Variants in CPE observed in about 807,000 individuals in gnomAD.
The protein encoded by CPE is carbocypeptidase E.
A neutral mutation model predicts 53.5 loss-of-function variants in CPE; 17 were observed. That is an observed-to-expected ratio of 0.32 (90% CI 0.22 to 0.48). CPE has a LOEUF of 0.48. CPE is among the 20% of genes least tolerant of loss of function. The pLI is 0.99. For synonymous variants in CPE, 226 were observed against 228.8 expected, an observed-to-expected ratio of 0.99 and a Z score of 0.11; for missense variants, 524 against 614.7, an observed-to-expected ratio of 0.85 and a Z score of 1.56.
intron 3 of CPE, among the ~76,000 whole-genome samples, chr4:165,473,181 C>T (rs1459840947): frequency 3.3e-5 from 5 of 152,194 alleles, no homozygotes. Flanking sequence ...ACAACTTACA[C>T]AGACCATCTA....
chr4:165,381,387 A>G (rs564815084), intron 1 of CPE: 21 of 453,630 alleles, frequency 4.6e-5, no homozygotes, highest in African/African-American at 4.0e-4. Flanking sequence ...ATGGAAAAAT[A>G]CTGAATATGC....
rs543914222 is a variant in CPE, at chr4:165,409,701, G to T, written c.307+30173G>T. ...TCCTAAGAAACTGTGAAATACTGTG[G>T]TGATCTTATCCTGGAACAAACTAGG... is the stretch of plus-strand genomic sequence containing the variant. On this transcript the variant is annotated intron_variant, in intron 1 of 8. Coordinates refer to ENST00000402744, the MANE Select transcript of CPE (RefSeq NM_001873.4). 5.6e-4 allele frequency among the ~76,000 whole-genome samples: 85 copies of T among 152,226 alleles called. 1 individual carries two copies. The highest frequency in any genetic ancestry group is 2.0e-3 in the African/African-American group (82 of 41,546).
intron 1 of CPE, among the ~76,000 whole-genome samples, chr4:165,459,680 G>GC (rs1553976487): frequency 1.5e-5 from 2 of 130,390 alleles, no homozygotes; most frequent in Non-Finnish European, 3.2e-5. Context: ...TGGGTGGGGG[G>GC]GGGCGGGGCA....
intron 1 of CPE, among the ~76,000 whole-genome samples, chr4:165,396,196 A>T (rs989518794): frequency 6.6e-6 from 1 of 152,168 alleles, no homozygotes; most frequent in African/African-American, 2.4e-5. Flanking sequence ...CATATTCCTG[A>T]ATTTGTTCCT....
At chr4:165,490,383 C>T (rs1732578805) in intron 6 of CPE, among the ~76,000 whole-genome samples, 1 of 151,796 alleles carries the variant, frequency 6.6e-6, no homozygotes, top group Non-Finnish European at 1.5e-5. Context: ...CCTGTAATCC[C>T]AGCACTTTGG....
Position 165,447,447 on chromosome 4 carries a change from T to C in CPE, c.308-16943T>C, listed in dbSNP as rs547403759. ...TTAGCCAGGCGTGGTGGCGCATGCC[T>C]GTAATCCCAGCTACTTGGGAGGCTG... On this transcript the variant is annotated intron_variant, in intron 1 of 8. Transcript: ENST00000402744. 5.3e-5 allele frequency among the ~76,000 whole-genome samples: 8 copies of C among 152,196 alleles called. No homozygotes were observed. In the South Asian group the frequency reaches 1.7e-3, roughly 32 times the overall value.
At chr4:165,427,713 G>C (rs911335691) in intron 1 of CPE, among the ~76,000 whole-genome samples, 16 of 152,104 alleles carry the variant, frequency 1.1e-4, no homozygotes, top group Admixed American at 6.5e-4. Flanking sequence ...GTATTCCATT[G>C]TATCACTCAC....
At chr4:165,413,325 T>C (rs781708304) in intron 1 of CPE, among the ~76,000 whole-genome samples, 3 of 152,174 alleles carry the variant, frequency 2.0e-5, no homozygotes, top group Non-Finnish European at 2.9e-5. Context: ...AAGTGAAGAA[T>C]TGGGGGATAG....
At chr4:165,386,693 G>A (rs981350575) in intron 1 of CPE, among the ~76,000 whole-genome samples, 32 of 152,188 alleles carry the variant, frequency 2.1e-4, no homozygotes, top group African/African-American at 6.8e-4. Context: ...TTTTGGAAGA[G>A]AAGAGTCTTC....
chr4:165,379,092 A>G lies in CPE; in HGVS notation c.-130A>G. 1 of 772,618 alleles carries G rather than the reference A, an allele frequency of 1.3e-6. No homozygotes were observed. The highest frequency in any genetic ancestry group is 1.7e-6 in the Non-Finnish European group (1 of 583,872). 47.9% of individuals were successfully genotyped at this position (772,618 alleles called of 1,614,324 possible). A position where few individuals can be genotyped will look rare whatever the true frequency, so the allele number is the denominator to read the frequency against. ...GGGCTGACACTCATTCAGCCGGGGAAGGTGAGGCGAGTAGAGGCTGGTGCG... is the reference window on the plus strand; with the variant it reads ...GGGCTGACACTCATTCAGCCGGGGAGGGTGAGGCGAGTAGAGGCTGGTGCG... On this transcript the variant is annotated 5_prime_UTR_variant, in exon 1 of 9. Transcript: ENST00000402744. This position sits in a 1 kb window ranked among gnomAD's most constrained non-coding sequence, Gnocchi z 6.0.
In CPE at chr4:165,438,913, C is replaced by A. The variant is rs1246772722; in HGVS notation, c.308-25477C>A. 6.6e-5 allele frequency among the ~76,000 whole-genome samples: 10 copies of A among 152,284 alleles called. No homozygotes were observed. The South Asian group carries it at 1.9e-3, about 28-fold the overall frequency. ...AGAGGTAGAGATGCATAGTTCACCT[C>A]TAGTTCTAAGGCTGGCCCCTTTAAT... On this transcript the variant is annotated intron_variant, in intron 1 of 8. Coordinates refer to ENST00000402744, the MANE Select transcript of CPE (RefSeq NM_001873.4).
Position 165,432,802 on chromosome 4 carries a change from G to C in CPE, c.308-31588G>C, listed in dbSNP as rs562199093. Reference sequence around the variant, plus strand: ...CCATGTGGCCTAAACAGCGCAACCCGCCCCCAGCTGCTCCTACCAGAGACC... The same window carrying C: ...CCATGTGGCCTAAACAGCGCAACCCCCCCCCAGCTGCTCCTACCAGAGACC... On this transcript the variant is annotated intron_variant, in intron 1 of 8. Transcript: ENST00000402744. 1.9e-3 allele frequency among the ~76,000 whole-genome samples: 291 copies of C among 152,048 alleles called. 1 individual carries two copies. Among genetic ancestry groups the C allele is most frequent in the African/African-American group, 6.9e-3 (285 of 41,464 alleles).
At chr4:165,487,025 T>C (rs952737557) in intron 5 of CPE, among the ~76,000 whole-genome samples, 1 of 152,200 alleles carries the variant, frequency 6.6e-6, no homozygotes, top group Non-Finnish European at 1.5e-5. Flanking sequence ...TAAGGAATAA[T>C]ATAGTATGTC....
intron 1 of CPE, among the ~76,000 whole-genome samples, chr4:165,438,277 G>A (rs1453227135): frequency 1.3e-5 from 2 of 152,096 alleles, no homozygotes; most frequent in African/African-American, 4.8e-5. Context: ...TATTGGCGAA[G>A]TTTGATAAAT....
chr4:165,491,754 A>G (rs1336786414), intron 6 of CPE, among the ~76,000 whole-genome samples: 1 of 152,174 alleles, frequency 6.6e-6, no homozygotes, highest in African/African-American at 2.4e-5. Flanking sequence ...AAAATGGCAC[A>G]CACAAAAAAT....
chr4:165,408,032 A>G (rs1180101269), intron 1 of CPE, among the ~76,000 whole-genome samples: 1 of 152,056 alleles, frequency 6.6e-6, no homozygotes, highest in Non-Finnish European at 1.5e-5. Context: ...TTGAGTTGTA[A>G]GAGCTCCCTA....
intron 1 of CPE, among the ~76,000 whole-genome samples, chr4:165,444,208 A>G (rs1390277486): frequency 1.3e-5 from 2 of 152,210 alleles, no homozygotes; most frequent in Non-Finnish European, 2.9e-5. Context: ...GAGGAAACTG[A>G]GGCATGGAGT....
intron 3 of CPE, among the ~76,000 whole-genome samples, chr4:165,476,123 G>A (rs1385447989): frequency 1.3e-5 from 2 of 152,180 alleles, no homozygotes; most frequent in South Asian, 2.1e-4. Flanking sequence ...AAGGCAGAGC[G>A]AGAGACTGAG....
At chr4:165,426,748 T>C (rs183857682) in intron 1 of CPE, among the ~76,000 whole-genome samples, 3 of 152,340 alleles carry the variant, frequency 2.0e-5, no homozygotes, top group Admixed American at 2.0e-4. Context: ...GTTAACCCTT[T>C]GTTACAATCT....
Sources: gnomAD v4.1 joint callset for allele counts (sites outside exome capture counted in the v4.1 genomes callset) on GRCh38, gnomAD v4.1.1 for gene constraint, Gnocchi (gnomAD v3.1) non-coding constraint, MANE v1.5 for transcripts, NCBI Gene and HGNC (gene_info 2026-07-23, HGNC 2026-07-21) for gene names.